SPTBN4: variants seen among roughly 807,000 people sequenced by gnomAD.
SPTBN4 encodes the protein spectrin beta, non-erythrocytic 4.
Under a neutral mutation model 277.8 loss-of-function variants are expected in SPTBN4, and 96 were observed. The observed-to-expected ratio is 0.35, with a 90% CI of 0.29 to 0.41. The LOEUF (loss-of-function observed/expected upper bound fraction) is 0.41. Among genes scored for constraint, SPTBN4 ranks in the 10% least tolerant of loss-of-function variants. SPTBN4 has a pLI of 1.00. For missense variants in SPTBN4, 3,006 were observed against 3,595.7 expected (o/e 0.84, Z 4.19); for synonymous variants, 1,481 against 1,580.3 (o/e 0.94, Z 1.49).
intron 20 of SPTBN4, among the ~76,000 whole-genome samples, chr19:40,540,203 A>G (rs2080783930): frequency 6.6e-6 from 1 of 152,088 alleles, no homozygotes; most frequent in South Asian, 2.1e-4. Context: ...CTGGGATAAT[A>G]GGCATGAACC....
At chr19:40,509,154 T>C (rs1449980192) in intron 13 of SPTBN4, among the ~76,000 whole-genome samples, 1 of 149,502 alleles carries the variant, frequency 6.7e-6, no homozygotes, top group Non-Finnish European at 1.5e-5. Flanking sequence ...ACTCCTGGGC[T>C]CAAGCAATCC....
chr19:40,494,865 C>T (rs1358240127), intron 5 of SPTBN4, 32 bp from the exon 6 acceptor site: 4 of 1,605,274 alleles, frequency 2.5e-6, no homozygotes, highest in Admixed American at 1.7e-5. Flanking sequence ...CTCTCCCCAT[C>T]TCTGCCTCTG....
chr19:40,561,405 G>C (rs1219940207), intron 27 of SPTBN4, among the ~76,000 whole-genome samples: 1 of 152,226 alleles, frequency 6.6e-6, no homozygotes, highest in Non-Finnish European at 1.5e-5. Context: ...TGCAGATCCT[G>C]CAGCCTGCAT....
chr19:40,468,322 C>T (rs943288709), intron 1 of SPTBN4, among the ~76,000 whole-genome samples: 3 of 152,098 alleles, frequency 2.0e-5, no homozygotes, highest in Non-Finnish European at 4.4e-5. Flanking sequence ...GGTGACCCAC[C>T]CACCTCCTTG....
chr19:40,514,037 A>G (rs2080425941), intron 14 of SPTBN4, among the ~76,000 whole-genome samples: 1 of 152,082 alleles, frequency 6.6e-6, no homozygotes, highest in Non-Finnish European at 1.5e-5. Flanking sequence ...CCTGTTTTAC[A>G]TTTCTTTGTA....
Position 40,513,435 on chromosome 19 carries a change from T to G in SPTBN4, c.2646T>G (p.Ala882=). The G allele has an allele frequency of 6.2e-7, 1 of 1,604,562 alleles. No homozygotes were observed. Among genetic ancestry groups the G allele is most frequent in the Non-Finnish European group, 8.5e-7 (1 of 1,178,362 alleles). The change falls in exon 14 of 36, where the codon GCT becomes GCG. Residue 882 remains alanine (A), a synonymous_variant. Transcript: ENST00000598249. ...LRRQWLRDAL[A]VYRMFGEVHA... ...GCCAGTGGCTGCGGGACGCGCTCGC[T>G]GTCTACCGCATGTTTGGCGAGGTGC... is the stretch of plus-strand genomic sequence containing the variant.
Position 40,485,366 on chromosome 19 carries a change from C to G in SPTBN4, c.170-2331C>G, listed in dbSNP as rs187803833. 3.2e-3 allele frequency among the ~76,000 whole-genome samples: 489 copies of G among 152,046 alleles called. 1 individual carries two copies. Among genetic ancestry groups the G allele is most frequent in the African/African-American group, 0.011 (453 of 41,496 alleles). ...GTGTTCGAGAGGCTGGTCTCGAACT[C>G]CTGAGCTCAGGCAATCCACCTACCT... On this transcript the variant is annotated intron_variant, in intron 2 of 35. Coordinates refer to ENST00000598249, the MANE Select transcript of SPTBN4 (RefSeq NM_020971.3).
At chr19:40,518,176 C>T (rs2080482053) in intron 15 of SPTBN4, among the ~76,000 whole-genome samples, 1 of 152,026 alleles carries the variant, frequency 6.6e-6, no homozygotes. Flanking sequence ...TGTGGTGGTG[C>T]ACGCCTGTAA....
Position 40,515,344 on chromosome 19 carries a change from G to A in SPTBN4, c.2799G>A (p.Leu933=), listed in dbSNP as rs764589554. 3.1e-6 allele frequency: 5 copies of A among 1,612,132 alleles called. No homozygotes were observed. The Admixed American group carries it at 6.7e-5, about 22-fold the overall frequency. The part of the protein sequence containing the change: ...FESLDQEMNS[L]MGRVLDVNHT... ...GCCTGGACCAAGAGATGAACAGCCT[G>A]ATGGGCCGCGTTCTGGACGTGAACC... The change falls in exon 15 of 36, where the codon CTG becomes CTA. Residue 933 remains leucine, a synonymous_variant. Coordinates refer to ENST00000598249, the MANE Select transcript of SPTBN4 (RefSeq NM_020971.3). This position sits in a 1 kb window ranked among gnomAD's most constrained non-coding sequence, Gnocchi z 4.1.
At chr19:40,497,326 A>T in intron 6 of SPTBN4, 163 bp from the exon 7 acceptor site, 1 of 609,788 alleles carries the variant, frequency 1.6e-6, no homozygotes, top group South Asian at 1.9e-5. Context: ...TCACACTCAC[A>T]TCACAGCTAA....
chr19:40,472,001 C>G (rs751145589), intron 1 of SPTBN4, among the ~76,000 whole-genome samples: 7 of 151,428 alleles, frequency 4.6e-5, no homozygotes, highest in Non-Finnish European at 1.0e-4. Context: ...ACCTCCGCCT[C>G]CCGGGTTCAA....
At chr19:40,569,961 C>CACACACACACACACAG in intron 32 of SPTBN4, among the ~76,000 whole-genome samples, 1 of 145,868 alleles carries the variant, frequency 6.9e-6, no homozygotes, top group African/African-American at 2.6e-5. Flanking sequence ...CACACACACA[C>CACACACACACACACAG]ACACACACAC....
At chr19:40,533,454 C>T (rs1212647395) in intron 19 of SPTBN4, among the ~76,000 whole-genome samples, 7 of 152,104 alleles carry the variant, frequency 4.6e-5, no homozygotes, top group Admixed American at 3.3e-4. Context: ...TAAGCCTCAA[C>T]CCTCAGAACT....
intron 2 of SPTBN4, among the ~76,000 whole-genome samples, chr19:40,485,118 C>A (rs2080057323): frequency 6.6e-6 from 1 of 152,084 alleles, no homozygotes; most frequent in African/African-American, 2.4e-5. Flanking sequence ...GCTGGGATTA[C>A]AGGCGTGAGC....
chr19:40,567,608 C>CCA, intron 30 of SPTBN4, 55 bp from the exon 31 acceptor site: 1 of 1,371,312 alleles, frequency 7.3e-7, no homozygotes. Flanking sequence ...GGACCTCCCC[C>CCA]TTACCCCGCC....
intron 2 of SPTBN4, among the ~76,000 whole-genome samples, chr19:40,473,578 A>G (rs887990360): frequency 6.6e-6 from 1 of 150,946 alleles, no homozygotes; most frequent in Non-Finnish European, 1.5e-5. Flanking sequence ...GCTGGTCTCG[A>G]ACTCCCAACC....
rs1216773781 is a variant in SPTBN4, at chr19:40,572,172, G to A, written c.7473G>A (p.Lys2491=). ...AGGTGGCTAGTGACTACAAGAAAAA[G>A]AAGCATGTCTTCAAGCTCCAGTGAG... ...TSEVASDYKK[K]KHVFKLQTQD... Residue 2491 remains lysine, a synonymous_variant, in exon 34 of 36, where the codon AAG becomes AAA. Coordinates refer to ENST00000598249, the MANE Select transcript of SPTBN4 (RefSeq NM_020971.3). 3.1e-6 allele frequency: 5 copies of A among 1,601,962 alleles called. No homozygotes were observed. Among genetic ancestry groups the A allele is most frequent in the Non-Finnish European group, 4.3e-6 (5 of 1,172,702 alleles).
chr19:40,528,403 C>A (rs566391350), intron 17 of SPTBN4, among the ~76,000 whole-genome samples: 1 of 152,304 alleles, frequency 6.6e-6, no homozygotes, highest in South Asian at 2.1e-4. Flanking sequence ...AGCTTCTCTG[C>A]GACTCTGCTG....
chr19:40,483,519 C>T (rs2080035924), intron 2 of SPTBN4, among the ~76,000 whole-genome samples: 1 of 152,022 alleles, frequency 6.6e-6, no homozygotes, highest in Non-Finnish European at 1.5e-5. Flanking sequence ...TTAAATTGCA[C>T]CTTGAATGTT....
Sources: gnomAD v4.1 joint callset for allele counts (sites outside exome capture counted in the v4.1 genomes callset) on GRCh38, gnomAD v4.1.1 for gene constraint, Gnocchi (gnomAD v3.1) non-coding constraint, MANE v1.5 for transcripts, NCBI Gene and HGNC (gene_info 2026-07-23, HGNC 2026-07-21) for gene names.